The following FRAS1 variants were observed in gnomAD, a reference collection of about 807,000 sequenced individuals.
The protein encoded by FRAS1 is Fraser extracellular matrix complex subunit 1, also known as extracellular matrix organizing protein FRAS1.
In FRAS1, 290 loss-of-function variants were observed where a neutral mutation model predicts 435.2. That is an observed-to-expected ratio of 0.67 (90% CI 0.61 to 0.73). The LOEUF (loss-of-function observed/expected upper bound fraction) is 0.73. Among genes scored for constraint, FRAS1 ranks in the 30% least tolerant of loss-of-function variants. The pLI, the probability that FRAS1 is intolerant of heterozygous loss-of-function variation, is 0.00. For synonymous variants in FRAS1, 1,800 were observed against 1,851.0 expected, an observed-to-expected ratio of 0.97 and a Z score of 0.71; for missense variants, 4,860 against 5,001.5, an observed-to-expected ratio of 0.97 and a Z score of 0.85.
At chr4:78,373,446 C>CTAATAATAATAA (rs3086797) in intron 24 of FRAS1, among the ~76,000 whole-genome samples, 114 of 138,912 alleles carry the variant, frequency 8.2e-4, no homozygotes, top group Middle Eastern at 3.6e-3. Flanking sequence ...GAGCCAAGGA[C>CTAATAATAATAA]TAATAATAAT....
chr4:78,296,162 G>A (rs1390789965), intron 14 of FRAS1, among the ~76,000 whole-genome samples: 3 of 151,116 alleles, frequency 2.0e-5, no homozygotes, highest in Non-Finnish European at 4.4e-5. Context: ...AATATAATGT[G>A]CATGTCTCAT....
Position 78,508,934 on chromosome 4 carries a change from T to G in FRAS1, c.9708T>G (p.Thr3236=). 6.2e-7 allele frequency: 1 copy of G among 1,613,964 alleles called. No homozygotes were observed. Among genetic ancestry groups the G allele is most frequent in the Non-Finnish European group, 8.5e-7 (1 of 1,179,878 alleles). The change falls in exon 63 of 74, where the codon ACT becomes ACG. Residue 3236 remains threonine, a synonymous_variant. Coordinates refer to ENST00000512123, the MANE Select transcript of FRAS1 (RefSeq NM_025074.7). ...TCAGCTGGGAAGTGGCTGCCCCCAC[T>G]GATGGCAATGGGGCCCGGTCTCCCT... is the stretch of plus-strand genomic sequence containing the variant. ...VQFSWEVAAP[T]DGNGARSPFE... is the part of the protein sequence containing the mutation.
At chr4:78,067,384 T>A (rs1175823926) in intron 2 of FRAS1, among the ~76,000 whole-genome samples, 1 of 152,192 alleles carries the variant, frequency 6.6e-6, no homozygotes. Flanking sequence ...TAGACCATCT[T>A]CTATATTTAA....
intron 50 of FRAS1, 79 bp from the exon 51 acceptor site, chr4:78,469,899 T>C: frequency 1.0e-6 from 1 of 998,146 alleles, no homozygotes. Flanking sequence ...CTTCAGAGGT[T>C]ACAGCTGTGT....
chr4:78,207,297 C>T (rs186828433), intron 2 of FRAS1, among the ~76,000 whole-genome samples: 1 of 152,246 alleles, frequency 6.6e-6, no homozygotes, highest in East Asian at 1.9e-4. Context: ...TCAGGCTTGC[C>T]AAAGTGATTA....
intron 2 of FRAS1, among the ~76,000 whole-genome samples, chr4:78,088,373 G>T (rs1229067701): frequency 6.6e-6 from 1 of 152,114 alleles, no homozygotes; most frequent in African/African-American, 2.4e-5. Context: ...CATGGGCAAG[G>T]ACTTCATGTC....
chr4:78,411,643 G>A (rs1733339790), intron 31 of FRAS1, among the ~76,000 whole-genome samples: 1 of 152,174 alleles, frequency 6.6e-6, no homozygotes. Context: ...CTTAGGAAAT[G>A]TGGTTCAAAA....
chr4:78,081,956 C>T (rs1740916272), intron 2 of FRAS1, among the ~76,000 whole-genome samples: 1 of 152,100 alleles, frequency 6.6e-6, no homozygotes, highest in African/African-American at 2.4e-5. Context: ...CTGTGCTCTT[C>T]TTGTTTAAAT....
At chr4:78,202,072 G>A (rs1723071009) in intron 2 of FRAS1, among the ~76,000 whole-genome samples, 1 of 152,138 alleles carries the variant, frequency 6.6e-6, no homozygotes, top group Admixed American at 6.5e-5. Flanking sequence ...CATCTAGTGG[G>A]TAGAAGCAAT....
In FRAS1 at chr4:78,454,190, G is replaced by C. The variant is rs1039181176; in HGVS notation, c.6763+1836G>C. ...CTGATACATAAAAAAAAAAAAAAAG[G>C]ACATTCCAGACAGAGGGATCAGCAA... On this transcript the variant is annotated intron_variant, in intron 47 of 73. Coordinates refer to ENST00000512123, the MANE Select transcript of FRAS1 (RefSeq NM_025074.7). Among the ~76,000 whole-genome samples the C allele has an allele frequency of 4.7e-5, 7 of 150,178 alleles. No homozygotes were observed. In the East Asian group the frequency reaches 1.4e-3, roughly 29 times the overall value.
intron 2 of FRAS1, among the ~76,000 whole-genome samples, chr4:78,102,166 G>C (rs1468133012): frequency 6.6e-6 from 1 of 152,086 alleles, no homozygotes; most frequent in Non-Finnish European, 1.5e-5. Context: ...ACTGGAACAA[G>C]TTTCCTTGTG....
At chr4:78,168,070 G>C (rs932746093) in intron 2 of FRAS1, among the ~76,000 whole-genome samples, 1 of 151,754 alleles carries the variant, frequency 6.6e-6, no homozygotes, top group African/African-American at 2.4e-5. Flanking sequence ...AAAAAAATCA[G>C]TGATAACTGT....
chr4:78,160,694 A>G (rs1413962352), intron 2 of FRAS1, among the ~76,000 whole-genome samples: 1 of 152,238 alleles, frequency 6.6e-6, no homozygotes, highest in Non-Finnish European at 1.5e-5. Flanking sequence ...TGAACATGCT[A>G]TGTATTATAA....
chr4:78,439,053 G>A lies in FRAS1; in HGVS notation c.5518G>A (p.Asp1840Asn), dbSNP rs1419186778. 1 of 1,612,726 alleles carries A rather than the reference G, an allele frequency of 6.2e-7. No individual in the cohort carries two copies. The highest frequency in any genetic ancestry group is 8.5e-7 in the Non-Finnish European group (1 of 1,179,386). The change falls in exon 40 of 74, where the codon GAC becomes AAC. Residue 1840 changes from aspartate to asparagine, a missense_variant. Physicochemically the swap from Asp to Asn is conservative, Grantham distance 23. Coordinates refer to ENST00000512123, the MANE Select transcript of FRAS1 (RefSeq NM_025074.7). ...TCCACCTCCAGTCATTGCTTTTGCTGACCTTATCACGGTAAACAATTCTCA... is the reference window on the plus strand; with the variant it reads ...TCCACCTCCAGTCATTGCTTTTGCTAACCTTATCACGGTAAACAATTCTCA... Reference protein sequence around the residue: ...ENPPPVIAFADLITVDEGGRA... With the variant: ...ENPPPVIAFANLITVDEGGRA...
intron 18 of FRAS1, among the ~76,000 whole-genome samples, chr4:78,329,234 A>G (rs988599651): frequency 1.3e-5 from 2 of 152,326 alleles, no homozygotes; most frequent in Non-Finnish European, 2.9e-5. Flanking sequence ...ATTGTCATCT[A>G]TACACTTGTA....
At chr4:78,272,198 AT>A (rs766230674) in intron 9 of FRAS1, among the ~76,000 whole-genome samples, 6 of 152,066 alleles carry the variant, frequency 3.9e-5, no homozygotes, top group Non-Finnish European at 7.4e-5. Flanking sequence ...TTCTATGTAG[AT>A]TCTGGATATT....
intron 56 of FRAS1, among the ~76,000 whole-genome samples, chr4:78,481,001 A>AG (rs1483966974): frequency 1.3e-5 from 2 of 152,232 alleles, no homozygotes; most frequent in African/African-American, 4.8e-5. Context: ...TCAATGATTA[A>AG]GCAGCTAATA....
chr4:78,437,889 A>C (rs1422162940), intron 38 of FRAS1, among the ~76,000 whole-genome samples: 2 of 152,186 alleles, frequency 1.3e-5, no homozygotes, highest in Non-Finnish European at 2.9e-5. Context: ...GAAACAGAGA[A>C]AGTCATTTTT....
intron 55 of FRAS1, among the ~76,000 whole-genome samples, chr4:78,478,584 A>T (rs1186597766): frequency 6.6e-6 from 1 of 152,226 alleles, no homozygotes; most frequent in Non-Finnish European, 1.5e-5. Context: ...GCATGTTGAT[A>T]AAAGGGCAAT....
Sources: gnomAD v4.1 joint callset for allele counts (sites outside exome capture counted in the v4.1 genomes callset) on GRCh38, gnomAD v4.1.1 for gene constraint, MANE v1.5 for transcripts, NCBI Gene and HGNC (gene_info 2026-07-23, HGNC 2026-07-21) for gene names.